STXBP4: variants seen among roughly 807,000 people sequenced by gnomAD.
STXBP4 encodes syntaxin-binding protein 4.
STXBP4 carries 55 observed loss-of-function variants against 76.1 expected under a neutral mutation model. The ratio of observed to expected loss-of-function variants is 0.72; its 90% confidence interval spans 0.58 to 0.91. The LOEUF is 0.91. STXBP4 is among the 40% of genes least tolerant of loss of function. The pLI, the probability that STXBP4 is intolerant of heterozygous loss-of-function variation, is 0.00. For synonymous variants in STXBP4, 201 were observed against 220.2 expected (o/e 0.91, Z 0.77); for missense variants, 618 against 636.9 (o/e 0.97, Z 0.32).
intron 10 of STXBP4, among the ~76,000 whole-genome samples, chr17:55,038,694 C>G (rs1041357019): frequency 6.8e-6 from 1 of 146,480 alleles, no homozygotes; most frequent in African/African-American, 2.8e-5. Flanking sequence ...ACATTTAGCA[C>G]TACTCTAAAC....
At chr17:55,011,739 A>T (rs1208467939) in intron 8 of STXBP4, among the ~76,000 whole-genome samples, 4 of 151,994 alleles carry the variant, frequency 2.6e-5, no homozygotes, top group Non-Finnish European at 4.4e-5. Flanking sequence ...CGGGTGTGAG[A>T]TAAGTTGCAA....
chr17:55,180,889 G>T, the STXBP4 span, among the ~76,000 whole-genome samples: 1 of 152,170 alleles, frequency 6.6e-6, no homozygotes, highest in Non-Finnish European at 1.5e-5. Flanking sequence ...GCTCTGTATG[G>T]CCTATAGAAG....
the STXBP4 span, among the ~76,000 whole-genome samples, chr17:55,185,675 G>C: frequency 6.6e-6 from 1 of 152,176 alleles, no homozygotes; most frequent in Non-Finnish European, 1.5e-5. Context: ...GAGCAGATGA[G>C]TACTGGGCAG....
At position 55,168,369 on chromosome 17, in the gene STXBP4, T is replaced by G. The variant is rs576783046; in HGVS notation, c.*8458T>G. The G allele has an allele frequency of 6.6e-6, 1 of 152,268 alleles. No homozygotes were observed. Among genetic ancestry groups the G allele is most frequent in the Non-Finnish European group, 1.5e-5 (1 of 68,006 alleles). 9.4% of individuals were successfully genotyped at this position (152,268 alleles called of 1,614,324 possible). On this transcript the variant is annotated 3_prime_UTR_variant, in exon 18 of 18. Transcript: ENST00000376352. ...TTACCAGTAGAACTCTCTCTACAAA[T>G]GGAAAGTGAGAAGTCTATGAAGTTA...
At chr17:55,052,916 C>T (rs1446802565) in intron 12 of STXBP4, among the ~76,000 whole-genome samples, 2 of 95,698 alleles carry the variant, frequency 2.1e-5, no homozygotes, top group Non-Finnish European at 3.8e-5. Context: ...ACGTGTATGA[C>T]GTGTGTGTGT....
intron 16 of STXBP4, among the ~76,000 whole-genome samples, chr17:55,140,620 G>A (rs2080084493): frequency 6.6e-6 from 1 of 152,070 alleles, no homozygotes; most frequent in South Asian, 2.1e-4. Flanking sequence ...GGGCCAAAAT[G>A]TACTCATTTA....
At chr17:55,055,992 A>T (rs1324815857) in intron 12 of STXBP4, among the ~76,000 whole-genome samples, 1 of 152,176 alleles carries the variant, frequency 6.6e-6, no homozygotes, top group African/African-American at 2.4e-5. Flanking sequence ...TGGTGAATGG[A>T]TAAAGGGATA....
At chr17:55,135,117 T>A (rs2080014132) in intron 16 of STXBP4, among the ~76,000 whole-genome samples, 1 of 152,172 alleles carries the variant, frequency 6.6e-6, no homozygotes, top group Non-Finnish European at 1.5e-5. Context: ...CCTTCTCTTT[T>A]ATTGGTAACT....
At chr17:55,210,571 A>G in the STXBP4 span, among the ~76,000 whole-genome samples, 1 of 152,254 alleles carries the variant, frequency 6.6e-6, no homozygotes, top group Non-Finnish European at 1.5e-5. Context: ...CAGTGTGCCA[A>G]TTTAAAATGT....
chr17:55,010,066 AT>A (rs1327755745), intron 8 of STXBP4, among the ~76,000 whole-genome samples: 1 of 151,986 alleles, frequency 6.6e-6, no homozygotes, highest in Non-Finnish European at 1.5e-5. Context: ...AAAATAGTAT[AT>A]TTTTTAATCT....
intron 12 of STXBP4, among the ~76,000 whole-genome samples, chr17:55,048,860 T>C (rs2078824138): frequency 6.6e-6 from 1 of 151,926 alleles, no homozygotes; most frequent in East Asian, 1.9e-4. Context: ...TACTTAGAAC[T>C]ATAATCCAAG....
rs1459082770 is a variant in STXBP4 at position 55,121,339 on chromosome 17, G to A, written c.1490-19971G>A. 4.6e-5 allele frequency among the ~76,000 whole-genome samples: 7 copies of A among 152,234 alleles called. No individual in the cohort carries two copies. The East Asian group carries it at 1.3e-3, about 29-fold the overall frequency. On this transcript the variant is annotated intron_variant, in intron 16 of 17. Transcript: ENST00000376352. ...TGAGAAATTTTGAATGGCAGTGATG[G>A]AACCAAAGTGAGGTTGGGGTGAATG...
the STXBP4 span, among the ~76,000 whole-genome samples, chr17:55,205,329 T>C: frequency 2.6e-5 from 4 of 152,208 alleles, no homozygotes; most frequent in South Asian, 6.2e-4. Context: ...TGCCATCATA[T>C]AAAATGAATG....
the STXBP4 span, among the ~76,000 whole-genome samples, chr17:55,202,922 G>C: frequency 1.3e-5 from 2 of 152,136 alleles, no homozygotes; most frequent in African/African-American, 4.8e-5. Context: ...AGGTCATTCA[G>C]CATTCATGTC....
chr17:55,138,965 A>G (rs1339182502), intron 16 of STXBP4, among the ~76,000 whole-genome samples: 1 of 152,118 alleles, frequency 6.6e-6, no homozygotes, highest in Non-Finnish European at 1.5e-5. Context: ...ATTATATGAA[A>G]TCTGCATGAA....
At chr17:55,128,692 T>G (rs1463755446) in intron 16 of STXBP4, among the ~76,000 whole-genome samples, 1 of 152,182 alleles carries the variant, frequency 6.6e-6, no homozygotes, top group Non-Finnish European at 1.5e-5. Flanking sequence ...CTTGGCTCAC[T>G]GCAACGTCCA....
intron 16 of STXBP4, among the ~76,000 whole-genome samples, chr17:55,140,440 G>A (rs1429963774): frequency 3.3e-5 from 5 of 152,084 alleles, no homozygotes; most frequent in South Asian, 2.1e-4. Flanking sequence ...TACCTGAGTC[G>A]TGATAAGCCA....
chr17:55,081,248 A>G, intron 16 of STXBP4, 65 bp downstream of exon 16: 2 of 1,297,308 alleles, frequency 1.5e-6, no homozygotes, highest in Non-Finnish European at 2.0e-6. Flanking sequence ...TTGAAGTCAG[A>G]CAGTTGAATT....
At chr17:55,071,943 TATTAA>T (rs1196889087) in intron 12 of STXBP4, among the ~76,000 whole-genome samples, 2 of 152,180 alleles carry the variant, frequency 1.3e-5, no homozygotes, top group Admixed American at 1.3e-4. Flanking sequence ...AGAAGTGCCA[TATTAA>T]ATTATATTGG....
Sources: allele counts gnomAD v4.1 joint callset (sites outside exome capture counted in the v4.1 genomes callset), GRCh38; gene constraint gnomAD v4.1.1; transcripts MANE v1.5; gene names NCBI Gene and HGNC (gene_info 2026-07-23, HGNC 2026-07-21).